The following MMADHC variants were observed in gnomAD, a reference collection of about 807,000 sequenced individuals.
The protein encoded by MMADHC is cobalamin trafficking protein CblD.
MMADHC carries 23 observed loss-of-function variants against 36.3 expected under a neutral mutation model. The ratio of observed to expected loss-of-function variants is 0.63; its 90% confidence interval spans 0.46 to 0.90. The LOEUF is 0.90. Ranked by LOEUF, MMADHC falls within the 40% of genes least tolerant of loss-of-function variation. The pLI is 0.00. For missense variants in MMADHC, 330 were observed against 348.0 expected (o/e 0.95, Z 0.41); for synonymous variants, 97 against 116.1 (o/e 0.84, Z 1.06).
At position 149,569,907 on chromosome 2, in the gene MMADHC, T is replaced by A. The variant is rs1682612753; in HGVS notation, c.*67A>T. 7.1e-7 allele frequency: 1 copy of A among 1,399,568 alleles called. No homozygotes were observed. 86.7% of individuals were successfully genotyped at this position (1,399,568 alleles called of 1,614,324 possible). A position where few individuals can be genotyped will look rare whatever the true frequency, so the allele number is the denominator to read the frequency against. ...TAAATATATTTTAAAAACTTTAGTC[T>A]GACAGTGTTTATAGATCAACCCAAA... is the stretch of plus-strand genomic sequence containing the variant. On this transcript the variant is annotated 3_prime_UTR_variant, in exon 8 of 8. Transcript: ENST00000303319.
intron 6 of MMADHC, among the ~76,000 whole-genome samples, chr2:149,575,433 G>A (rs1682700346): frequency 1.3e-5 from 2 of 150,674 alleles, no homozygotes; most frequent in African/African-American, 2.5e-5. Flanking sequence ...GAGGGGAGAA[G>A]GATAAAGAGT....
chr2:149,576,307 G>A, intron 5 of MMADHC, 130 bp downstream of exon 5: 1 of 710,810 alleles, frequency 1.4e-6, no homozygotes, highest in Non-Finnish European at 2.5e-6. Flanking sequence ...TCTTGGCCAT[G>A]CAATCATTTC....
At chr2:149,575,960 A>T in intron 5 of MMADHC, 119 bp from the exon 6 acceptor site, 1 of 741,192 alleles carries the variant, frequency 1.3e-6, no homozygotes, top group Non-Finnish European at 2.2e-6. Context: ...TTACTGTGGT[A>T]TTAGTTAATT....
intron 2 of MMADHC, among the ~76,000 whole-genome samples, chr2:149,585,227 A>C (rs1682851125): frequency 6.6e-6 from 1 of 152,184 alleles, no homozygotes; most frequent in Non-Finnish European, 1.5e-5. Flanking sequence ...AGTTTGAGGA[A>C]AAGCATTTAT....
chr2:149,587,256 C>G lies in MMADHC; in HGVS notation c.-52-107G>C, dbSNP rs920807371. ...GGTGTGTCGTCCACCACGTCAGGAC[C>G]AAAGTCCAAGCTCTCCCCGTACCCT... On this transcript the variant is annotated intron_variant, in intron 1 of 7. Coordinates refer to ENST00000303319, the MANE Select transcript of MMADHC (RefSeq NM_015702.3). The G allele has an allele frequency of 2.1e-5, 15 of 723,184 alleles. No homozygotes were observed. In the African/African-American group the frequency reaches 2.6e-4, roughly 13 times the overall value. 44.8% of individuals were successfully genotyped at this position (723,184 alleles called of 1,614,324 possible).
chr2:149,586,356 A>G (rs900717303), intron 2 of MMADHC, among the ~76,000 whole-genome samples: 1 of 152,094 alleles, frequency 6.6e-6, no homozygotes, highest in Non-Finnish European at 1.5e-5. Flanking sequence ...CAGTTTTTCA[A>G]AGGGGTAGGC....
intron 6 of MMADHC, among the ~76,000 whole-genome samples, chr2:149,574,126 A>G (rs77731474): frequency 0.073 from 11,142 of 152,256 alleles, 507 homozygotes; most frequent in South Asian, 0.13. Context: ...TGGTTATAGG[A>G]AACTTAGAAC....
At chr2:149,572,129 A>C in intron 6 of MMADHC, 1 of 329,374 alleles carries the variant, frequency 3.0e-6, no homozygotes, top group Non-Finnish European at 5.9e-6. Flanking sequence ...CTTTATCAGA[A>C]GTCTAAGTAG....
chr2:149,586,751 A>T lies in MMADHC; in HGVS notation c.9+338T>A, dbSNP rs530371319. On this transcript the variant is annotated intron_variant, in intron 2 of 7. Coordinates refer to ENST00000303319, the MANE Select transcript of MMADHC (RefSeq NM_015702.3). Reference sequence around the variant, plus strand: ...GTTTTAAAAAAAAGAAAAAAAGATTAAAAAAACCCTTCAGTTTAGCTAACC... The same window carrying T: ...GTTTTAAAAAAAAGAAAAAAAGATTTAAAAAACCCTTCAGTTTAGCTAACC... 1.0e-4 allele frequency: 30 copies of T among 295,454 alleles called. 1 individual carries two copies. Among genetic ancestry groups the T allele is most frequent in the South Asian group, 4.2e-4 (7 of 16,824 alleles). The allele number at this position is 295,454 out of a possible 1,614,324, so 18.3% of individuals were successfully genotyped here. A position where few individuals can be genotyped will look rare whatever the true frequency, so the allele number is the denominator to read the frequency against.
intron 4 of MMADHC, among the ~76,000 whole-genome samples, chr2:149,578,953 G>T (rs1573878376): frequency 1.4e-5 from 2 of 142,638 alleles, no homozygotes; most frequent in African/African-American, 5.1e-5. Flanking sequence ...TTAATAAATT[G>T]TTTAAGAAAA....
At chr2:149,576,669 G>T (rs1046849515) in intron 4 of MMADHC, 127 bp from the exon 5 acceptor site, 1 of 688,828 alleles carries the variant, frequency 1.5e-6, no homozygotes, top group Admixed American at 2.2e-5. Context: ...AATCTAACTG[G>T]GAGGTGAGGT....
intron 6 of MMADHC, among the ~76,000 whole-genome samples, chr2:149,572,522 C>T (rs113638332): frequency 0.016 from 2,403 of 152,098 alleles, 55 homozygotes; most frequent in African/African-American, 0.054. Flanking sequence ...GAAGTAATCC[C>T]TATATCTGCT....
Position 149,570,065 on chromosome 2 carries a change from T to C in MMADHC, c.800A>G (p.His267Arg), listed in dbSNP as rs753424109. The change falls in exon 8 of 8, where the codon CAT becomes CGT. Residue 267 changes from histidine (H) to arginine (R), a missense_variant. By Grantham distance (29) the His-to-Arg change is conservative. Transcript: ENST00000303319. ...DDLGCCKVIR[H>R]SLWGTHVVVG... ...AACTACATGGGTACCCCAGAGACTA[T>C]GACGAATCACTTTACAGCATCCAAG... is the stretch of plus-strand genomic sequence containing the variant. 10 of 1,613,748 alleles carry C rather than the reference T, an allele frequency of 6.2e-6. No individual in the cohort carries two copies. The East Asian group carries it at 1.3e-4, about 22-fold the overall frequency.
At position 149,571,187 on chromosome 2, in the gene MMADHC, C is replaced by A; in HGVS notation, c.610-16G>T. 6.5e-7 allele frequency: 1 copy of A among 1,529,962 alleles called. No individual in the cohort carries two copies. The highest frequency in any genetic ancestry group is 9.0e-7 in the Non-Finnish European group (1 of 1,108,390). 94.8% of individuals were successfully genotyped at this position (1,529,962 alleles called of 1,614,324 possible). ...CATTGATGAACTGCAATGGAAGTCA[C>A]AAATAATATGCTTAAGATAGCATTA... On this transcript the variant is annotated splice_polypyrimidine_tract_variant and intron_variant, in intron 6 of 7. Transcript: ENST00000303319.
intron 2 of MMADHC, 149 bp downstream of exon 2, chr2:149,586,940 A>C (rs921051708): frequency 1.3e-6 from 1 of 775,040 alleles, no homozygotes; most frequent in Non-Finnish European, 2.2e-6. Flanking sequence ...AGCATAACAT[A>C]ATTTCACACC....
Position 149,582,201 on chromosome 2 carries a change from T to C in MMADHC, c.80A>G (p.Asn27Ser), listed in dbSNP as rs766017009. 1.3e-5 allele frequency: 21 copies of C among 1,613,832 alleles called. No homozygotes were observed. The Admixed American group carries it at 2.3e-4, about 18-fold the overall frequency. Reference protein sequence around the residue: ...GFCSLVKRVVNPKAFSTAGSS... With the variant: ...GFCSLVKRVVSPKAFSTAGSS... ...TCCTGCAGTCGAAAAGGCTTTGGGA[T>C]TGACAACCCTTTTAACTAAAGAGCA... Residue 27 changes from asparagine (N) to serine (S), a missense_variant, in exon 3 of 8, where the codon AAT (asparagine) becomes AGT (serine). Transcript: ENST00000303319.
chr2:149,574,325 G>A (rs557752788), intron 6 of MMADHC, among the ~76,000 whole-genome samples: 1 of 152,042 alleles, frequency 6.6e-6, no homozygotes. Context: ...TTGTTAATTA[G>A]TATATAACTA....
intron 4 of MMADHC, 144 bp from the exon 5 acceptor site, chr2:149,576,686 A>G: frequency 1.5e-6 from 1 of 649,086 alleles, no homozygotes; most frequent in Non-Finnish European, 2.7e-6. Context: ...AGGTAATAAC[A>G]TTTTCTCATT....
In MMADHC at chr2:149,587,118, C is replaced by A; in HGVS notation, c.-21G>T. 6.2e-7 allele frequency: 1 copy of A among 1,612,876 alleles called. No individual in the cohort carries two copies. Among genetic ancestry groups the A allele is most frequent in the South Asian group, 1.1e-5 (1 of 91,044 alleles). Reference sequence around the variant, plus strand: ...GCCATCTCCGCTGGAGAAGATAGTTCGCAAAATAGCTTTCCTTTGGTAAAG... The same window carrying A: ...GCCATCTCCGCTGGAGAAGATAGTTAGCAAAATAGCTTTCCTTTGGTAAAG... On this transcript the variant is annotated 5_prime_UTR_variant, in exon 2 of 8. Transcript: ENST00000303319.
Sources: allele counts gnomAD v4.1 joint callset (sites outside exome capture counted in the v4.1 genomes callset), GRCh38; gene constraint gnomAD v4.1.1; transcripts MANE v1.5; gene names NCBI Gene and HGNC (gene_info 2026-07-23, HGNC 2026-07-21).